Variants in PRR5L observed in about 807,000 individuals in gnomAD.
PRR5L encodes the protein proline-rich protein 5-like.
Under a neutral mutation model 36.4 loss-of-function variants are expected in PRR5L, and 21 were observed. That is an observed-to-expected ratio of 0.58 (90% confidence interval 0.41 to 0.83). The LOEUF is 0.83. Ranked by LOEUF, PRR5L falls within the 40% of genes least tolerant of loss-of-function variation. The pLI, the probability that PRR5L is intolerant of heterozygous loss-of-function variation, is 0.00. For synonymous variants in PRR5L, 188 were observed against 197.0 expected, an observed-to-expected ratio of 0.95 and a Z score of 0.38; for missense variants, 381 against 473.3, an observed-to-expected ratio of 0.80 and a Z score of 1.81.
intron 2 of PRR5L, 103 bp downstream of exon 2, chr11:36,401,388 G>A (rs1857792986): frequency 1.2e-5 from 13 of 1,113,392 alleles, no homozygotes; most frequent in Middle Eastern, 2.2e-4. Context: ...TGGGAAGGCC[G>A]TGATTATGGG....
intron 1 of PRR5L, among the ~76,000 whole-genome samples, chr11:36,392,689 A>G (rs1002049638): frequency 6.6e-6 from 1 of 152,112 alleles, no homozygotes; most frequent in African/African-American, 2.4e-5. Flanking sequence ...GAAACTTACA[A>G]TCATGGGGGA....
At chr11:36,434,112 T>C (rs544558220) in intron 5 of PRR5L, among the ~76,000 whole-genome samples, 1 of 152,260 alleles carries the variant, frequency 6.6e-6, no homozygotes, top group East Asian at 1.9e-4. Flanking sequence ...AACTCAGAAA[T>C]GGGGCTAGAC....
At chr11:36,452,604 CA>C (rs1476135983) in intron 8 of PRR5L, among the ~76,000 whole-genome samples, 1 of 152,214 alleles carries the variant, frequency 6.6e-6, no homozygotes, top group East Asian at 1.9e-4. Context: ...CAGTCTTCTG[CA>C]GCCCCACTCT....
intron 1 of PRR5L, among the ~76,000 whole-genome samples, chr11:36,313,148 C>T (rs1281126079): frequency 6.6e-6 from 1 of 152,224 alleles, no homozygotes; most frequent in Non-Finnish European, 1.5e-5. Context: ...AATAGTTCTT[C>T]TAATAGGAAC....
Position 36,301,538 on chromosome 11 carries a change from G to A in PRR5L, c.-126+5100G>A, listed in dbSNP as rs554362019. Among the ~76,000 whole-genome samples the A allele has an allele frequency of 3.0e-4, 46 of 152,250 alleles. 1 individual carries two copies. The South Asian group carries it at 8.9e-3, about 29-fold the overall frequency. On this transcript the variant is annotated intron_variant, in intron 1 of 8. Transcript: ENST00000530639. Reference sequence around the variant, plus strand: ...ACTTGAACTACAGAAGGGATGCTATGCCATGATGGGTCAGTGTGTGTGTAG... The same window carrying A: ...ACTTGAACTACAGAAGGGATGCTATACCATGATGGGTCAGTGTGTGTGTAG...
rs75930075 is a variant in PRR5L, at chr11:36,423,319, A to G, written c.294+4016A>G. 6.3e-3 allele frequency among the ~76,000 whole-genome samples: 964 copies of G among 152,346 alleles called. 28 individuals are homozygous for G. Among genetic ancestry groups the G allele is most frequent in the East Asian group, 0.048 (251 of 5,178 alleles). ...TGCTGCTCATATCTGCAAGAGTCCC[A>G]GGAGGCCAGTTTCCCCTAGAGTTTA... On this transcript the variant is annotated intron_variant, in intron 4 of 8. Transcript: ENST00000530639.
At chr11:36,437,342 CTT>C (rs1478512725) in intron 5 of PRR5L, 41 bp from the exon 6 acceptor site, 3 of 1,280,268 alleles carry the variant, frequency 2.3e-6, no homozygotes, top group African/African-American at 2.9e-5. Context: ...ATGACGAATT[CTT>C]TTCTTTCTTC....
At chr11:36,431,765 T>C (rs1858500848) in intron 4 of PRR5L, 88 bp from the exon 5 acceptor site, 1 of 1,217,388 alleles carries the variant, frequency 8.2e-7, no homozygotes, top group Admixed American at 1.7e-5. Flanking sequence ...TAGAACTCTG[T>C]GCCCTTGCCC....
chr11:36,389,614 A>ATTTTTTTTT (rs368918273), intron 1 of PRR5L, among the ~76,000 whole-genome samples: 1 of 135,002 alleles, frequency 7.4e-6, no homozygotes, highest in African/African-American at 2.8e-5. Context: ...AGCCCCATGT[A>ATTTTTTTTT]TTTTTTTTTT....
At chr11:36,373,865 C>T (rs1056557977) in intron 1 of PRR5L, among the ~76,000 whole-genome samples, 2 of 152,094 alleles carry the variant, frequency 1.3e-5, no homozygotes, top group African/African-American at 4.8e-5. Context: ...ACAGCATACG[C>T]TAAATAAGTT....
At chr11:36,307,254 C>T (rs902092353) in intron 1 of PRR5L, among the ~76,000 whole-genome samples, 1 of 152,206 alleles carries the variant, frequency 6.6e-6, no homozygotes, top group Admixed American at 6.5e-5. Context: ...TTGTCATTCA[C>T]TCCTCACAAT....
intron 1 of PRR5L, among the ~76,000 whole-genome samples, chr11:36,365,710 T>C (rs2133506250): frequency 6.6e-6 from 1 of 152,286 alleles, no homozygotes; most frequent in Admixed American, 6.5e-5. Flanking sequence ...ACTTCATCAA[T>C]GAAAGCCAGG....
chr11:36,299,882 A>G (rs555087686), intron 1 of PRR5L, among the ~76,000 whole-genome samples: 2 of 152,226 alleles, frequency 1.3e-5, no homozygotes, highest in African/African-American at 4.8e-5. Context: ...GGTAAACAAC[A>G]ACAACAACAA....
At chr11:36,322,454 A>G (rs1377803037) in intron 1 of PRR5L, among the ~76,000 whole-genome samples, 1 of 152,166 alleles carries the variant, frequency 6.6e-6, no homozygotes, top group African/African-American at 2.4e-5. Flanking sequence ...ACTGTTGTAG[A>G]TATTGTTTTT....
intron 1 of PRR5L, among the ~76,000 whole-genome samples, chr11:36,374,494 C>T (rs888966915): frequency 8.0e-5 from 12 of 149,640 alleles, no homozygotes; most frequent in Admixed American, 3.3e-4. Flanking sequence ...GAGGGAGGGG[C>T]GAATTACAAC....
chr11:36,369,756 G>A (rs1192111327), intron 1 of PRR5L, among the ~76,000 whole-genome samples: 1 of 152,028 alleles, frequency 6.6e-6, no homozygotes, highest in Non-Finnish European at 1.5e-5. Context: ...CACCATGCCT[G>A]GCTAATTGTT....
intron 2 of PRR5L, among the ~76,000 whole-genome samples, chr11:36,403,001 C>G (rs938533713): frequency 2.6e-5 from 4 of 152,240 alleles, no homozygotes; most frequent in Admixed American, 6.5e-5. Flanking sequence ...CATGCAGTTT[C>G]CTGCGATCAG....
chr11:36,367,822 C>CA (rs1857159792), intron 1 of PRR5L, among the ~76,000 whole-genome samples: 1 of 150,764 alleles, frequency 6.6e-6, no homozygotes, highest in Admixed American at 6.6e-5. Context: ...ATGAGGTAAA[C>CA]AAAAAAAGGG....
intron 1 of PRR5L, chr11:36,376,631 G>C: frequency 1.0e-6 from 1 of 995,532 alleles, no homozygotes; most frequent in Non-Finnish European, 1.2e-6. Flanking sequence ...TTTCCTAGGC[G>C]CGCGGAGTCT....
Sources: allele counts gnomAD v4.1 joint callset (sites outside exome capture counted in the v4.1 genomes callset), GRCh38; gene constraint gnomAD v4.1.1; transcripts MANE v1.5; gene names NCBI Gene and HGNC (gene_info 2026-07-23, HGNC 2026-07-21).